ADGRV1: variants seen among roughly 807,000 people sequenced by gnomAD.
ADGRV1 encodes the protein adhesion G protein-coupled receptor V1, also known as G-protein coupled receptor 98.
A neutral mutation model predicts 596.2 loss-of-function variants in ADGRV1; 359 were observed. The observed-to-expected ratio is 0.60, with a 90% CI of 0.55 to 0.66. The LOEUF (loss-of-function observed/expected upper bound fraction) is 0.66, where lower values mean the gene tolerates loss of function less well. ADGRV1 is among the 30% of genes least tolerant of loss of function. ADGRV1 has a pLI of 0.00. For synonymous variants in ADGRV1, 2,681 were observed against 2,679.2 expected (o/e 1.00, Z -0.02); for missense variants, 7,274 against 7,575.6 (o/e 0.96, Z 1.48).
chr5:91,008,253 G>A (rs544390656), intron 85 of ADGRV1, among the ~76,000 whole-genome samples: 8 of 152,090 alleles, frequency 5.3e-5, no homozygotes, highest in Non-Finnish European at 8.8e-5. Flanking sequence ...CAACTGACTT[G>A]GAGCATCAGT....
intron 85 of ADGRV1, among the ~76,000 whole-genome samples, chr5:91,026,892 A>T (rs935075790): frequency 6.6e-6 from 1 of 152,072 alleles, no homozygotes; most frequent in African/African-American, 2.4e-5. Flanking sequence ...CTGTAATCCC[A>T]GCACTTTGGG....
intron 83 of ADGRV1, among the ~76,000 whole-genome samples, chr5:90,941,135 C>A (rs1383595982): frequency 1.1e-5 from 1 of 91,656 alleles, no homozygotes; most frequent in African/African-American, 4.7e-5. Flanking sequence ...AGGAAAAGTA[C>A]TTAAAAAAAA....
At chr5:90,564,415 A>G (rs1755268018) in intron 1 of ADGRV1, among the ~76,000 whole-genome samples, 1 of 152,134 alleles carries the variant, frequency 6.6e-6, no homozygotes, top group East Asian at 1.9e-4. Flanking sequence ...GACTGGGACT[A>G]GCTTAGATTA....
chr5:90,563,232 T>A (rs948021529), intron 1 of ADGRV1, among the ~76,000 whole-genome samples: 1 of 152,246 alleles, frequency 6.6e-6, no homozygotes, highest in African/African-American at 2.4e-5. Context: ...TCAGTTTTGC[T>A]GAAAGGCAAT....
chr5:90,997,549 G>A (rs1034187888), intron 85 of ADGRV1, among the ~76,000 whole-genome samples: 4 of 152,250 alleles, frequency 2.6e-5, no homozygotes, highest in Middle Eastern at 3.4e-3. Flanking sequence ...GTTCTTTATA[G>A]CAGTGTGAGA....
At chr5:90,678,666 AATGC>A (rs1218354080) in intron 25 of ADGRV1, among the ~76,000 whole-genome samples, 1 of 148,082 alleles carries the variant, frequency 6.8e-6, no homozygotes, top group African/African-American at 2.5e-5. Context: ...ATGGTCAGAG[AATGC>A]ATGTGAGAGG....
Position 90,934,123 on chromosome 5 carries a change from G to T in ADGRV1, c.17857-31292G>T, listed in dbSNP as rs1014963971. On this transcript the variant is annotated intron_variant, in intron 83 of 89. Coordinates refer to ENST00000405460, the MANE Select transcript of ADGRV1 (RefSeq NM_032119.4). The stretch of plus-strand genomic sequence containing the variant: ...GTTCTTCTTGCTGGAAGTTGGCATA[G>T]TCTCACCTCATTTTTTCACTCTCTT... 4.6e-4 allele frequency among the ~76,000 whole-genome samples: 70 copies of T among 152,116 alleles called. 1 individual carries two copies. The highest frequency in any genetic ancestry group is 1.6e-3 in the African/African-American group (67 of 41,426).
rs1769047227 is a variant in ADGRV1, at chr5:90,654,026, A to T, written c.4378+74A>T. On this transcript the variant is annotated intron_variant, in intron 20 of 89. Transcript: ENST00000405460. ...ATTTTTCATTAAAATTTAGATTTTTAAAAAAGTGCTAACATGTATTTGAAA... is the reference window on the plus strand; with the variant it reads ...ATTTTTCATTAAAATTTAGATTTTTTAAAAAGTGCTAACATGTATTTGAAA... 2.7e-5 allele frequency: 39 copies of T among 1,435,918 alleles called. 1 individual carries two copies. The highest frequency in any genetic ancestry group is 3.4e-5 in the Non-Finnish European group (36 of 1,047,200). 88.9% of individuals were successfully genotyped at this position (1,435,918 alleles called of 1,614,324 possible).
intron 87 of ADGRV1, among the ~76,000 whole-genome samples, chr5:91,137,380 C>T (rs1448753038): frequency 6.6e-6 from 1 of 152,156 alleles, no homozygotes; most frequent in African/African-American, 2.4e-5. Context: ...CACATCATGG[C>T]AGGCATTCTA....
At chr5:90,966,530 CAAAAAAAAA>C (rs67304974) in intron 84 of ADGRV1, among the ~76,000 whole-genome samples, 38 of 100,716 alleles carry the variant, frequency 3.8e-4, no homozygotes, top group African/African-American at 1.1e-3. Context: ...GAAACTCTGC[CAAAAAAAAA>C]AAAAAAAAAA....
intron 88 of ADGRV1, among the ~76,000 whole-genome samples, chr5:91,152,831 T>C (rs1796169613): frequency 6.6e-6 from 1 of 152,108 alleles, no homozygotes; most frequent in Non-Finnish European, 1.5e-5. Context: ...CATACCCAGC[T>C]AATTTTTTAC....
rs558649301 is a variant in ADGRV1, at chr5:91,032,028, T to C, written c.18153-40419T>C. The stretch of plus-strand genomic sequence containing the variant: ...GAAGTGCCACATGTTGGGAGCAGCA[T>C]GCGGGCTGCAATTTTAAAGAAGGTG... On this transcript the variant is annotated intron_variant, in intron 85 of 89. Coordinates refer to ENST00000405460, the MANE Select transcript of ADGRV1 (RefSeq NM_032119.4). Among the ~76,000 whole-genome samples, 7 of 152,370 alleles carry C rather than the reference T, an allele frequency of 4.6e-5. No homozygotes were observed. In the East Asian group the frequency reaches 1.3e-3, roughly 29 times the overall value.
chr5:91,099,671 C>T (rs1468285976), intron 86 of ADGRV1, among the ~76,000 whole-genome samples: 2 of 151,984 alleles, frequency 1.3e-5, no homozygotes, highest in African/African-American at 2.4e-5. Flanking sequence ...TTCGAGAGGC[C>T]GAGGTGGGCA....
At chr5:90,755,751 TTAA>T (rs1216335065) in intron 55 of ADGRV1, among the ~76,000 whole-genome samples, 11 of 150,168 alleles carry the variant, frequency 7.3e-5, no homozygotes, top group East Asian at 5.8e-4. Flanking sequence ...TGGATTAGTG[TTAA>T]TAATATTATA....
intron 83 of ADGRV1, among the ~76,000 whole-genome samples, chr5:90,957,666 A>T (rs994247864): frequency 6.7e-6 from 1 of 148,660 alleles, no homozygotes; most frequent in Non-Finnish European, 1.5e-5. Flanking sequence ...ATGTGTATAT[A>T]TATTACTATA....
Position 90,644,689 on chromosome 5 carries a change from A to T in ADGRV1, c.2735-17A>T, listed in dbSNP as rs1314684676. Reference sequence around the variant, plus strand: ...TCGTATGTCTTCATATGTATTATGTATGTTTCCATTTCACAGCTGTTTATG... The same window carrying T: ...TCGTATGTCTTCATATGTATTATGTTTGTTTCCATTTCACAGCTGTTTATG... On this transcript the variant is annotated splice_polypyrimidine_tract_variant and intron_variant, in intron 14 of 89. Coordinates refer to ENST00000405460, the MANE Select transcript of ADGRV1 (RefSeq NM_032119.4). 1.9e-6 allele frequency: 3 copies of T among 1,593,540 alleles called. No individual in the cohort carries two copies. In the Admixed American group the frequency reaches 5.3e-5, roughly 28 times the overall value.
intron 1 of ADGRV1, among the ~76,000 whole-genome samples, chr5:90,566,408 A>T (rs973484840): frequency 5.3e-4 from 80 of 152,234 alleles, no homozygotes; most frequent in African/African-American, 1.8e-3. Context: ...TGAATAAATC[A>T]TTCTTTTTTC....
At chr5:90,955,560 G>T (rs1777403386) in intron 83 of ADGRV1, among the ~76,000 whole-genome samples, 1 of 152,144 alleles carries the variant, frequency 6.6e-6, no homozygotes. Context: ...TGGAATGAAT[G>T]AATGATTAGA....
At chr5:90,832,519 T>C (rs1764606395) in intron 77 of ADGRV1, among the ~76,000 whole-genome samples, 1 of 152,204 alleles carries the variant, frequency 6.6e-6, no homozygotes, top group Non-Finnish European at 1.5e-5. Flanking sequence ...GTCAGATGGG[T>C]AGTTTGCAGA....
Sources: allele counts gnomAD v4.1 joint callset (sites outside exome capture counted in the v4.1 genomes callset), GRCh38; gene constraint gnomAD v4.1.1; transcripts MANE v1.5; gene names NCBI Gene and HGNC (gene_info 2026-07-23, HGNC 2026-07-21).